The following PCDHGA8 variants were observed in gnomAD, a reference collection of about 807,000 sequenced individuals.
PCDHGA8 encodes the protein protocadherin gamma subfamily A, 8.
A neutral mutation model predicts 59.2 loss-of-function variants in PCDHGA8; 45 were observed. The observed-to-expected ratio is 0.76, with a 90% CI of 0.60 to 0.98. The LOEUF (loss-of-function observed/expected upper bound fraction) is 0.98. Ranked by LOEUF, PCDHGA8 falls within the 50% of genes least tolerant of loss-of-function variation. PCDHGA8 has a pLI of 0.00. For missense variants in PCDHGA8, 1,257 were observed against 1,196.2 expected (o/e 1.05, Z -0.75); for synonymous variants, 531 against 519.0 (o/e 1.02, Z -0.32).
chr5:141,490,062 C>A lies in PCDHGA8; in HGVS notation c.2425-4745C>A, dbSNP rs758715682. 6.2e-7 allele frequency: 1 copy of A among 1,614,218 alleles called. No homozygotes were observed. The highest frequency in any genetic ancestry group is 1.1e-5 in the South Asian group (1 of 91,082). ...CCACTGATCCAGACGAGGGCACCAA[C>A]GGCCAACTAGACTATTCTTTTGGAG... On this transcript the variant is annotated intron_variant, in intron 1 of 3. Coordinates refer to ENST00000398604, the MANE Select transcript of PCDHGA8 (RefSeq NM_032088.2). The surrounding 1 kb of genome is among the most constrained non-coding windows in gnomAD (Gnocchi z 5.4).
intron 1 of PCDHGA8, among the ~76,000 whole-genome samples, chr5:141,402,439 G>C (rs1278186410): frequency 6.6e-6 from 1 of 151,914 alleles, no homozygotes; most frequent in East Asian, 1.9e-4. Context: ...TCATAAAAAG[G>C]AAATTATAAT....
At position 141,487,603 on chromosome 5, in the gene PCDHGA8, C is replaced by T; in HGVS notation, c.2425-7204C>T. The stretch of plus-strand genomic sequence containing the variant: ...CAAGCTGCCCACCCTCTGATCTTCT[C>T]TATGGGCTAGAGGTGAGACCTTTGC... On this transcript the variant is annotated intron_variant, in intron 1 of 3. Transcript: ENST00000398604. This position sits in a 1 kb window ranked among gnomAD's most constrained non-coding sequence, Gnocchi z 5.0. 1.2e-6 allele frequency: 2 copies of T among 1,614,214 alleles called. No individual in the cohort carries two copies. Among genetic ancestry groups the T allele is most frequent in the Non-Finnish European group, 1.7e-6 (2 of 1,180,042 alleles).
chr5:141,473,367 T>C (rs1343477225), intron 1 of PCDHGA8, among the ~76,000 whole-genome samples: 1 of 152,178 alleles, frequency 6.6e-6, no homozygotes, highest in Non-Finnish European at 1.5e-5. Flanking sequence ...GCCACCAAAA[T>C]AGCATGGTCC....
chr5:141,472,533 C>A (rs1200612581), intron 1 of PCDHGA8, among the ~76,000 whole-genome samples: 3 of 150,970 alleles, frequency 2.0e-5, no homozygotes, highest in African/African-American at 7.3e-5. Flanking sequence ...GAGTGAGACA[C>A]CATCTCAAGA....
At position 141,476,002 on chromosome 5, in the gene PCDHGA8, C is replaced by A; in HGVS notation, c.2425-18805C>A. 1 of 1,247,396 alleles carries A rather than the reference C, an allele frequency of 8.0e-7. No individual in the cohort carries two copies. Among genetic ancestry groups the A allele is most frequent in the Non-Finnish European group, 1.1e-6 (1 of 904,880 alleles). 77.3% of individuals were successfully genotyped at this position (1,247,396 alleles called of 1,614,324 possible). ...AGCCGGCGAGCAAATCAACGGCATC[C>A]AGAAAGCCATGTCGGACTCGGCGCC... On this transcript the variant is annotated intron_variant, in intron 1 of 3. Transcript: ENST00000398604. This position sits in a 1 kb window ranked among gnomAD's most constrained non-coding sequence, Gnocchi z 7.6.
chr5:141,399,346 GACCGAGAGCAA>G, intron 1 of PCDHGA8: 1 of 1,613,890 alleles, frequency 6.2e-7, no homozygotes, highest in Non-Finnish European at 8.5e-7. Flanking sequence ...TGGAACCCTA[GACCGAGAGCAA>G]ACCCCGGAGT....
intron 1 of PCDHGA8, chr5:141,405,100 G>A (rs764536213): frequency 1.2e-6 from 2 of 1,613,924 alleles, no homozygotes; most frequent in Non-Finnish European, 1.7e-6. Context: ...CCCTCAGGCT[G>A]AGGCACTGGC....
chr5:141,478,624 T>C (rs1300260980), intron 1 of PCDHGA8: 3 of 1,554,196 alleles, frequency 1.9e-6, no homozygotes, highest in Non-Finnish European at 2.6e-6. Context: ...AATGGAGCTG[T>C]TTTTTTAGTG....
chr5:141,396,620 A>C (rs1222901061), intron 1 of PCDHGA8: 1 of 142,662 alleles, frequency 7.0e-6, no homozygotes, highest in Admixed American at 7.0e-5. Flanking sequence ...ACTCCGTCTC[A>C]AAAAAAAAAA....
chr5:141,430,996 G>T, intron 1 of PCDHGA8: 1 of 1,614,024 alleles, frequency 6.2e-7, no homozygotes, highest in Middle Eastern at 1.6e-4. Flanking sequence ...CCCTGAATCC[G>T]CGCAGCGGCA....
rs187164796 is a variant in PCDHGA8, at chr5:141,398,527, A to C, written c.2424+3290A>C. On this transcript the variant is annotated intron_variant, in intron 1 of 3. Transcript: ENST00000398604. ...CATTAATGACCACACGCCAAAATTC[A>C]CGCAAAATTCCTTTGAGCTGCAAAT... 1.8e-3 allele frequency: 2,980 copies of C among 1,613,696 alleles called. 47 individuals are homozygous for C. The African/African-American group carries it at 0.033, about 18-fold the overall frequency.
chr5:141,494,801 C>T lies in PCDHGA8; in HGVS notation c.2425-6C>T, dbSNP rs2099757031. ...CTCAGCCCCTTTCCCTCTGTTTTCTCCACAGCAAGCCCCGCCCAACACGGA... is the reference window on the plus strand; with the variant it reads ...CTCAGCCCCTTTCCCTCTGTTTTCTTCACAGCAAGCCCCGCCCAACACGGA... On this transcript the variant is annotated splice_polypyrimidine_tract_variant and splice_region_variant and intron_variant, in intron 1 of 3. Transcript: ENST00000398604. The T allele has an allele frequency of 6.2e-7, 1 of 1,614,146 alleles. No individual in the cohort carries two copies. The highest frequency in any genetic ancestry group is 2.2e-5 in the East Asian group (1 of 44,880).
At chr5:141,442,895 A>G (rs1381559903) in intron 1 of PCDHGA8, among the ~76,000 whole-genome samples, 5 of 152,182 alleles carry the variant, frequency 3.3e-5, no homozygotes, top group African/African-American at 1.2e-4. Context: ...CCTGCTTATC[A>G]CTTCTCCTTC....
At chr5:141,399,445 G>A (rs2093810599) in intron 1 of PCDHGA8, 1 of 1,614,032 alleles carries the variant, frequency 6.2e-7, no homozygotes, top group Non-Finnish European at 8.5e-7. Context: ...ACATATCAGA[G>A]ACGTCAACGA....
At chr5:141,404,437 C>T in intron 1 of PCDHGA8, 3 of 1,613,094 alleles carry the variant, frequency 1.9e-6, no homozygotes, top group Non-Finnish European at 2.5e-6. Context: ...CAGAGGATAC[C>T]ATCCAAGGGT....
intron 1 of PCDHGA8, chr5:141,478,712 G>A (rs1160573848): frequency 3.2e-6 from 5 of 1,547,048 alleles, no homozygotes; most frequent in Non-Finnish European, 4.4e-6. Flanking sequence ...TTTGTGAGAT[G>A]GTGGCCTGCC....
At chr5:141,413,357 G>C in intron 1 of PCDHGA8, 1 of 1,613,992 alleles carries the variant, frequency 6.2e-7, no homozygotes, top group Non-Finnish European at 8.5e-7. Context: ...CTGGCGCCCC[G>C]GGAGCTGGCG....
Position 141,486,230 on chromosome 5 carries a change from A to C in PCDHGA8, c.2425-8577A>C. On this transcript the variant is annotated intron_variant, in intron 1 of 3. Coordinates refer to ENST00000398604, the MANE Select transcript of PCDHGA8 (RefSeq NM_032088.2). The surrounding 1 kb of genome is among the most constrained non-coding windows in gnomAD (Gnocchi z 5.0). ...TGACAATGCCCCTTACATCACAGTGACCTCAGAGCTTGGAACCCTCCCCGA... is the reference window on the plus strand; with the variant it reads ...TGACAATGCCCCTTACATCACAGTGCCCTCAGAGCTTGGAACCCTCCCCGA... The C allele has an allele frequency of 6.2e-7, 1 of 1,614,016 alleles. No individual in the cohort carries two copies. Among genetic ancestry groups the C allele is most frequent in the Non-Finnish European group, 8.5e-7 (1 of 1,179,964 alleles).
At chr5:141,423,089 G>A in intron 1 of PCDHGA8, 1 of 1,614,016 alleles carries the variant, frequency 6.2e-7, no homozygotes, top group Non-Finnish European at 8.5e-7. Flanking sequence ...TTCGCGGTGG[G>A]GGAGCACACG....
Sources: allele counts gnomAD v4.1 joint callset (sites outside exome capture counted in the v4.1 genomes callset), GRCh38; gene constraint gnomAD v4.1.1; non-coding constraint Gnocchi (gnomAD v3.1); transcripts MANE v1.5; gene names NCBI Gene and HGNC (gene_info 2026-07-23, HGNC 2026-07-21).